SPAG9: variants seen among roughly 807,000 people sequenced by gnomAD.
The protein encoded by SPAG9 is sperm associated antigen 9.
In SPAG9, 35 loss-of-function variants were observed where a neutral mutation model predicts 166.5. The observed-to-expected ratio is 0.21, with a 90% confidence interval of 0.16 to 0.28. The LOEUF (loss-of-function observed/expected upper bound fraction) is 0.28. Ranked by LOEUF, SPAG9 falls within the 10% of genes least tolerant of loss-of-function variation. SPAG9 has a pLI of 1.00. For synonymous variants in SPAG9, 534 were observed against 565.5 expected (o/e 0.94, Z 0.79); for missense variants, 1,235 against 1,603.3 (o/e 0.77, Z 3.92).
chr17:50,969,782 T>C (rs543982040), intron 29 of SPAG9, among the ~76,000 whole-genome samples: 92 of 152,258 alleles, frequency 6.0e-4, no homozygotes, highest in Non-Finnish European at 9.3e-4. Context: ...ACCTGACCCT[T>C]TGTGCTAAGA....
intron 4 of SPAG9, among the ~76,000 whole-genome samples, chr17:51,042,856 TA>T (rs1368419300): frequency 2.0e-5 from 3 of 152,174 alleles, no homozygotes; most frequent in Non-Finnish European, 2.9e-5. Flanking sequence ...AACTTTGATT[TA>T]GGGGGAAAAT....
chr17:50,977,359 G>A (rs1974278062), intron 26 of SPAG9, 138 bp from the exon 27 acceptor site: 1 of 636,576 alleles, frequency 1.6e-6, no homozygotes, highest in Non-Finnish European at 2.8e-6. Flanking sequence ...ATACAACACA[G>A]AGGAAATGTG....
At chr17:51,117,856 G>A (rs534749613) in intron 1 of SPAG9, among the ~76,000 whole-genome samples, 42 of 151,944 alleles carry the variant, frequency 2.8e-4, no homozygotes, top group Non-Finnish European at 5.1e-4. Flanking sequence ...ACTGATGGCC[G>A]GGTGTGGTGG....
chr17:50,969,267 T>C (rs1973595884), intron 29 of SPAG9, among the ~76,000 whole-genome samples: 2 of 151,992 alleles, frequency 1.3e-5, no homozygotes, highest in Non-Finnish European at 2.9e-5. Context: ...CCAGTGGAAA[T>C]TTCCCACCTA....
chr17:51,111,957 C>T (rs1251067709), intron 1 of SPAG9, among the ~76,000 whole-genome samples: 1 of 152,008 alleles, frequency 6.6e-6, no homozygotes, highest in Non-Finnish European at 1.5e-5. Flanking sequence ...AGCAGGGACA[C>T]ATAATGGTAT....
intron 6 of SPAG9, among the ~76,000 whole-genome samples, chr17:51,023,104 A>ATTC (rs1177152023): frequency 6.7e-6 from 1 of 148,884 alleles, no homozygotes; most frequent in Non-Finnish European, 1.5e-5. Flanking sequence ...ACTTCTTAAG[A>ATTC]TTCTTATTAA....
chr17:51,010,955 G>A (rs1210600303), intron 9 of SPAG9, among the ~76,000 whole-genome samples: 1 of 152,080 alleles, frequency 6.6e-6, no homozygotes, highest in Non-Finnish European at 1.5e-5. Context: ...AAAGTATCAG[G>A]CCTAGGACAG....
chr17:51,035,127 T>C (rs186419171), intron 5 of SPAG9, among the ~76,000 whole-genome samples: 10 of 152,212 alleles, frequency 6.6e-5, no homozygotes, highest in African/African-American at 1.9e-4. Context: ...CTGGGCAACA[T>C]AGTGAGGCCC....
In SPAG9 at chr17:51,120,128, T is replaced by C. The variant is rs1177719959; in HGVS notation, c.303+226A>G. Among the ~76,000 whole-genome samples, 1 of 152,182 alleles carries C rather than the reference T, an allele frequency of 6.6e-6. No individual in the cohort carries two copies. Among genetic ancestry groups the C allele is most frequent in the Non-Finnish European group, 1.5e-5 (1 of 68,008 alleles). On this transcript the variant is annotated intron_variant, in intron 1 of 29. Transcript: ENST00000262013. The surrounding 1 kb of genome is among the most constrained non-coding windows in gnomAD (Gnocchi z 4.7). The stretch of plus-strand genomic sequence containing the variant: ...CGCTTCCTCCCCGGGCCCTGCCTCC[T>C]CCATCTCGCTCCCTTCCCAGGACAC...
chr17:51,065,518 C>T (rs566095734), intron 2 of SPAG9, among the ~76,000 whole-genome samples: 14 of 152,220 alleles, frequency 9.2e-5, no homozygotes, highest in Admixed American at 2.6e-4. Context: ...TCTTCTCTTC[C>T]TCAGATAATT....
intron 1 of SPAG9, among the ~76,000 whole-genome samples, chr17:51,103,956 G>A (rs1165025259): frequency 6.6e-6 from 1 of 152,138 alleles, no homozygotes; most frequent in Non-Finnish European, 1.5e-5. Context: ...CAGGGTGAGC[G>A]ATATTGGTGT....
intron 1 of SPAG9, among the ~76,000 whole-genome samples, chr17:51,117,108 A>G (rs746053770): frequency 2.0e-5 from 3 of 152,212 alleles, no homozygotes; most frequent in Non-Finnish European, 4.4e-5. Flanking sequence ...TCCCTAAAAC[A>G]GCAGACTAGC....
At chr17:51,001,940 T>C (rs2143966122) in intron 12 of SPAG9, 95 bp from the exon 13 acceptor site, 1 of 1,173,234 alleles carries the variant, frequency 8.5e-7, no homozygotes, top group Non-Finnish European at 1.2e-6. Context: ...TTTTTAAGCA[T>C]TCCTTAATTT....
At chr17:51,023,939 T>C (rs1341070532) in intron 6 of SPAG9, among the ~76,000 whole-genome samples, 1 of 152,162 alleles carries the variant, frequency 6.6e-6, no homozygotes, top group Non-Finnish European at 1.5e-5. Flanking sequence ...GTGCTGGGAT[T>C]ACAGGCGTGA....
At chr17:50,985,948 G>T (rs1567964608) in intron 22 of SPAG9, among the ~76,000 whole-genome samples, 170 bp from the exon 23 acceptor site, 1 of 152,178 alleles carries the variant, frequency 6.6e-6, no homozygotes, top group African/African-American at 2.4e-5. Flanking sequence ...GAGAGTGAGG[G>T]TAGGCCTAAG....
intron 9 of SPAG9, chr17:51,009,244 C>T (rs1286697775): frequency 4.9e-6 from 2 of 405,308 alleles, no homozygotes; most frequent in African/African-American, 2.1e-5. Flanking sequence ...AGAGAGGAAA[C>T]AAAGAAATTG....
chr17:51,032,253 G>A (rs2046411573), intron 5 of SPAG9, among the ~76,000 whole-genome samples: 1 of 152,068 alleles, frequency 6.6e-6, no homozygotes, highest in African/African-American at 2.4e-5. Context: ...CCTCAACTTC[G>A]CAGGATTCAG....
chr17:51,021,506 C>T (rs2045935217), intron 6 of SPAG9, 141 bp from the exon 7 acceptor site: 5 of 619,706 alleles, frequency 8.1e-6, no homozygotes, highest in African/African-American at 3.7e-5. Flanking sequence ...CACTGATTAC[C>T]GGTAAGTACT....
chr17:51,001,909 G>A, intron 12 of SPAG9, 64 bp from the exon 13 acceptor site: 1 of 1,455,190 alleles, frequency 6.9e-7, no homozygotes, highest in East Asian at 2.4e-5. Context: ...GTTCATCTCA[G>A]AGTTATGCAA....
Sources: allele counts gnomAD v4.1 joint callset (sites outside exome capture counted in the v4.1 genomes callset), GRCh38; gene constraint gnomAD v4.1.1; non-coding constraint Gnocchi (gnomAD v3.1); transcripts MANE v1.5; gene names NCBI Gene and HGNC (gene_info 2026-07-23, HGNC 2026-07-21).